Variants in RCAN2 observed in about 807,000 individuals in gnomAD.
The protein encoded by RCAN2 is calcipressin-2.
RCAN2 carries 9 observed loss-of-function variants against 23.6 expected under a neutral mutation model. That is an observed-to-expected ratio of 0.38 (90% CI 0.23 to 0.67). The LOEUF (loss-of-function observed/expected upper bound fraction) is 0.67. RCAN2 is among the 30% of genes least tolerant of loss of function. The pLI is 0.51. For missense variants in RCAN2, 273 were observed against 302.3 expected, an observed-to-expected ratio of 0.90 and a Z score of 0.72; for synonymous variants, 109 against 115.7, an observed-to-expected ratio of 0.94 and a Z score of 0.37.
At chr6:46,478,392 A>T (rs1222574848) in intron 1 of RCAN2, among the ~76,000 whole-genome samples, 2 of 152,240 alleles carry the variant, frequency 1.3e-5, no homozygotes, top group Admixed American at 6.5e-5. Context: ...TTAAAATAGA[A>T]AACCTTTATT....
chr6:46,283,870 A>G (rs77590245), intron 2 of RCAN2, among the ~76,000 whole-genome samples: 3,087 of 152,330 alleles, frequency 0.02, 94 homozygotes, highest in African/African-American at 0.067. Flanking sequence ...TCCTCGTGGT[A>G]GAAGTAGTAG....
chr6:46,488,769 C>T (rs553931569), intron 1 of RCAN2, among the ~76,000 whole-genome samples: 1 of 152,332 alleles, frequency 6.6e-6, no homozygotes, highest in African/African-American at 2.4e-5. Context: ...TACCACCATC[C>T]ACTTGGTGAC....
chr6:46,378,208 G>A (rs1298472733), intron 2 of RCAN2, among the ~76,000 whole-genome samples: 11 of 152,152 alleles, frequency 7.2e-5, no homozygotes, highest in Admixed American at 1.3e-4. Context: ...AAATAGTCAA[G>A]GCTTGTCATT....
intron 2 of RCAN2, among the ~76,000 whole-genome samples, chr6:46,441,347 A>G (rs138687312): frequency 6.6e-6 from 1 of 152,330 alleles, no homozygotes; most frequent in East Asian, 1.9e-4. Flanking sequence ...TCTGAATCCA[A>G]CACCCACATC....
intron 2 of RCAN2, among the ~76,000 whole-genome samples, chr6:46,376,783 G>C (rs1290888183): frequency 6.6e-6 from 1 of 152,046 alleles, no homozygotes; most frequent in Non-Finnish European, 1.5e-5. Flanking sequence ...ACAATGACCA[G>C]GTCTTATTTA....
In RCAN2 at chr6:46,222,195, T is replaced by C. The variant is rs552072035; in HGVS notation, c.*946A>G. The C allele has an allele frequency of 7.7e-6, 3 of 389,780 alleles. No individual in the cohort carries two copies. The highest frequency in any genetic ancestry group is 2.1e-5 in the African/African-American group (1 of 48,530). The allele number at this position is 389,780 out of a possible 1,614,324, so 24.1% of individuals were successfully genotyped here. ...AATATTATCAGAGTATCTGTATTAG[T>C]ATATGAAGGCATTCATAAGCAATGC... On this transcript the variant is annotated 3_prime_UTR_variant, in exon 5 of 5. Transcript: ENST00000371374.
chr6:46,315,484 T>C (rs1763404129), intron 2 of RCAN2, among the ~76,000 whole-genome samples: 1 of 151,984 alleles, frequency 6.6e-6, no homozygotes, highest in Admixed American at 6.6e-5. Flanking sequence ...AGGAAGAAGA[T>C]TCCAGGTAGA....
At chr6:46,368,376 C>A (rs535132365) in intron 2 of RCAN2, among the ~76,000 whole-genome samples, 4 of 152,298 alleles carry the variant, frequency 2.6e-5, no homozygotes, top group Admixed American at 2.6e-4. Context: ...AAGCTCCATA[C>A]GATAGCTCTG....
chr6:46,386,210 G>T (rs1765740659), intron 2 of RCAN2, among the ~76,000 whole-genome samples: 1 of 151,962 alleles, frequency 6.6e-6, no homozygotes, highest in African/African-American at 2.4e-5. Flanking sequence ...GTGGACAAAG[G>T]ATATGAACAG....
At chr6:46,247,179 C>T (rs1766544208) in intron 3 of RCAN2, among the ~76,000 whole-genome samples, 2 of 152,156 alleles carry the variant, frequency 1.3e-5, no homozygotes, top group African/African-American at 4.8e-5. Context: ...CTATCCCCTA[C>T]ATTTCTGATT....
At chr6:46,403,245 G>A (rs1029659730) in intron 2 of RCAN2, among the ~76,000 whole-genome samples, 11 of 152,104 alleles carry the variant, frequency 7.2e-5, no homozygotes, top group East Asian at 4.0e-4. Flanking sequence ...GATTGTAGGC[G>A]TGAGCCACCG....
chr6:46,334,927 A>T (rs1037371228), intron 2 of RCAN2, among the ~76,000 whole-genome samples: 5 of 152,024 alleles, frequency 3.3e-5, no homozygotes, highest in Admixed American at 2.6e-4. Context: ...AAGTGCATTC[A>T]TCTGGGCAGT....
intron 2 of RCAN2, among the ~76,000 whole-genome samples, chr6:46,360,443 A>T (rs1355859246): frequency 6.8e-6 from 1 of 146,080 alleles, no homozygotes; most frequent in East Asian, 2.2e-4. Flanking sequence ...CTGAGGCAGG[A>T]GAATGGTGTG....
At chr6:46,316,211 G>A (rs988539764) in intron 2 of RCAN2, among the ~76,000 whole-genome samples, 1 of 152,210 alleles carries the variant, frequency 6.6e-6, no homozygotes, top group Admixed American at 6.5e-5. Context: ...CACTACTACT[G>A]AGGATGATGA....
chr6:46,340,390 G>T (rs777674328), intron 2 of RCAN2, among the ~76,000 whole-genome samples: 4 of 152,200 alleles, frequency 2.6e-5, no homozygotes, highest in Admixed American at 6.5e-5. Context: ...GTACAGAGTT[G>T]TTTCTGAAAA....
intron 2 of RCAN2, among the ~76,000 whole-genome samples, chr6:46,269,020 A>C (rs958434113): frequency 3.9e-5 from 6 of 152,194 alleles, no homozygotes; most frequent in African/African-American, 1.4e-4. Context: ...ACTACTTACT[A>C]TCTGGTTCTT....
intron 2 of RCAN2, among the ~76,000 whole-genome samples, chr6:46,437,610 C>T (rs1767411761): frequency 6.6e-6 from 1 of 152,202 alleles, no homozygotes; most frequent in South Asian, 2.1e-4. Context: ...CTTCAAGTGA[C>T]AGCTCCTGAC....
At position 46,457,730 on chromosome 6, in the gene RCAN2, C is replaced by G. The variant is rs569569229; in HGVS notation, c.-2-752G>C. ...TAATTACTTCAAGTCATTTGTGAACCAGGTCCAGATCCTAAAAAAATCAGT... is the reference window on the plus strand; with the variant it reads ...TAATTACTTCAAGTCATTTGTGAACGAGGTCCAGATCCTAAAAAAATCAGT... On this transcript the variant is annotated intron_variant, in intron 1 of 4. Coordinates refer to ENST00000371374, the MANE Select transcript of RCAN2 (RefSeq NM_001251974.2). Among the ~76,000 whole-genome samples the G allele has an allele frequency of 2.6e-5, 4 of 152,218 alleles. No individual in the cohort carries two copies. In the South Asian group the frequency reaches 8.3e-4, roughly 32 times the overall value.
chr6:46,356,552 CT>C, intron 2 of RCAN2, among the ~76,000 whole-genome samples: 1 of 152,282 alleles, frequency 6.6e-6, no homozygotes, highest in East Asian at 1.9e-4. Flanking sequence ...GAAATCACTC[CT>C]TTCAGATATG....
Sources: gnomAD v4.1 joint callset for allele counts (sites outside exome capture counted in the v4.1 genomes callset) on GRCh38, gnomAD v4.1.1 for gene constraint, MANE v1.5 for transcripts, NCBI Gene and HGNC (gene_info 2026-07-23, HGNC 2026-07-21) for gene names.